Variants in CNTN1 observed in about 807,000 individuals in gnomAD.
CNTN1 encodes the protein contactin 1, also known as contactin-1.
CNTN1 carries 38 observed loss-of-function variants against 126.4 expected under a neutral mutation model. The ratio of observed to expected loss-of-function variants is 0.30; its 90% CI spans 0.23 to 0.39. The LOEUF (loss-of-function observed/expected upper bound fraction) is 0.39. Among genes scored for constraint, CNTN1 ranks in the 10% least tolerant of loss-of-function variants. The probability of loss-of-function intolerance (pLI) is 1.00; values close to 1 mark genes in which losing one functional copy is unlikely to be tolerated. For missense variants in CNTN1, 1,009 were observed against 1,248.4 expected (o/e 0.81, Z 2.89); for synonymous variants, 413 against 422.6 (o/e 0.98, Z 0.28).
At chr12:40,922,508 G>A in intron 5 of CNTN1, 80 bp downstream of exon 5, 1 of 1,321,324 alleles carries the variant, frequency 7.6e-7, no homozygotes, top group African/African-American at 1.4e-5. Context: ...AAAGGATAGT[G>A]AGAGGAAGGC....
At chr12:40,797,365 A>T in intron 1 of CNTN1, among the ~76,000 whole-genome samples, 1 of 152,046 alleles carries the variant, frequency 6.6e-6, no homozygotes, top group East Asian at 1.9e-4. Context: ...TTAAATAACA[A>T]CCTCAGATAA....
At chr12:40,845,588 A>G (rs1942468814) in intron 1 of CNTN1, among the ~76,000 whole-genome samples, 1 of 140,398 alleles carries the variant, frequency 7.1e-6, no homozygotes, top group Non-Finnish European at 1.6e-5. Flanking sequence ...GATAGCCTCA[A>G]GATGGGGCTA....
intron 1 of CNTN1, among the ~76,000 whole-genome samples, chr12:40,736,786 C>T (rs1223601271): frequency 6.6e-6 from 1 of 151,922 alleles, no homozygotes. Context: ...CAAAACAGAG[C>T]TAATAAATCA....
chr12:41,025,783 A>G (rs1255060015), intron 21 of CNTN1, among the ~76,000 whole-genome samples: 3 of 152,156 alleles, frequency 2.0e-5, no homozygotes, highest in Non-Finnish European at 4.4e-5. Flanking sequence ...TTATTACTGT[A>G]TGTTCTAGTA....
At chr12:40,747,058 T>G (rs7977934) in intron 1 of CNTN1, among the ~76,000 whole-genome samples, 21,535 of 152,052 alleles carry the variant, frequency 0.14, 1,758 homozygotes, top group African/African-American at 0.22. Context: ...GACTATCTAC[T>G]GTAACAAATA....
At chr12:40,810,073 A>T (rs527273665) in intron 1 of CNTN1, among the ~76,000 whole-genome samples, 117 of 152,244 alleles carry the variant, frequency 7.7e-4, no homozygotes, top group Non-Finnish European at 1.3e-3. Context: ...AAATATATGC[A>T]AAAGTTTTTA....
chr12:41,046,847 C>CTTTTTTTTTTTT (rs56655599), intron 23 of CNTN1, among the ~76,000 whole-genome samples: 3 of 118,992 alleles, frequency 2.5e-5, no homozygotes, highest in Non-Finnish European at 5.1e-5. Flanking sequence ...TTGCTTATTT[C>CTTTTTTTTTTTT]TTTTTTTTTT....
At chr12:40,710,101 T>C (rs1015304369) in intron 1 of CNTN1, among the ~76,000 whole-genome samples, 4 of 152,176 alleles carry the variant, frequency 2.6e-5, no homozygotes, top group African/African-American at 7.2e-5. Context: ...TTCCTTTCAA[T>C]TGAACACTTG....
intron 14 of CNTN1, among the ~76,000 whole-genome samples, chr12:40,952,813 G>A (rs1264481003): frequency 2.6e-5 from 4 of 152,082 alleles, no homozygotes; most frequent in Non-Finnish European, 5.9e-5. Flanking sequence ...CAAGCCAAAA[G>A]TAAAGAAGAA....
intron 1 of CNTN1, among the ~76,000 whole-genome samples, chr12:40,728,025 A>C (rs1327481356): frequency 6.6e-6 from 1 of 152,184 alleles, no homozygotes; most frequent in Non-Finnish European, 1.5e-5. Flanking sequence ...AGGCCAGGAC[A>C]GTTTCCCAGA....
At chr12:40,860,133 A>G (rs1442185) in intron 1 of CNTN1, among the ~76,000 whole-genome samples, 8,820 of 152,206 alleles carry the variant, frequency 0.058, 524 homozygotes, top group Admixed American at 0.16. Context: ...ATTAGGCTCA[A>G]TTCAACAGAC....
intron 21 of CNTN1, among the ~76,000 whole-genome samples, chr12:41,025,884 C>G (rs1334991437): frequency 6.6e-6 from 1 of 152,160 alleles, no homozygotes; most frequent in Non-Finnish European, 1.5e-5. Context: ...TTTGATATCT[C>G]TGTTCTTGAA....
At chr12:41,066,936 G>T (rs942133763) in intron 23 of CNTN1, among the ~76,000 whole-genome samples, 1 of 152,124 alleles carries the variant, frequency 6.6e-6, no homozygotes, top group Admixed American at 6.5e-5. Context: ...CAAGATCAAT[G>T]ATTTGTTCAG....
intron 20 of CNTN1, among the ~76,000 whole-genome samples, chr12:41,023,862 T>G (rs1948980880): frequency 1.3e-5 from 2 of 152,196 alleles, no homozygotes. Flanking sequence ...TGTTTATTAT[T>G]GTTGTTAATT....
At chr12:40,815,013 A>C (rs778448208) in intron 1 of CNTN1, among the ~76,000 whole-genome samples, 62 of 151,416 alleles carry the variant, frequency 4.1e-4, no homozygotes, top group Admixed American at 3.3e-4. Flanking sequence ...ATTTGTGTCT[A>C]CCCTTGTGAC....
At chr12:41,064,823 C>A (rs1189993808) in intron 23 of CNTN1, among the ~76,000 whole-genome samples, 1 of 151,376 alleles carries the variant, frequency 6.6e-6, no homozygotes, top group African/African-American at 2.4e-5. Flanking sequence ...ATATTATTAT[C>A]CCTATTTTAT....
At chr12:40,768,971 G>A (rs1939229826) in intron 1 of CNTN1, among the ~76,000 whole-genome samples, 1 of 151,992 alleles carries the variant, frequency 6.6e-6, no homozygotes, top group South Asian at 2.1e-4. Flanking sequence ...ATGTTTACAT[G>A]TTCTTTCAAA....
chr12:40,781,214 C>G (rs1939792001), intron 1 of CNTN1, among the ~76,000 whole-genome samples: 1 of 151,968 alleles, frequency 6.6e-6, no homozygotes, highest in South Asian at 2.1e-4. Flanking sequence ...GTGCTAGGAA[C>G]AGGTGAATGC....
intron 14 of CNTN1, among the ~76,000 whole-genome samples, chr12:40,949,518 T>C (rs1221776241): frequency 3.4e-5 from 5 of 145,926 alleles, no homozygotes; most frequent in African/African-American, 1.3e-4. Context: ...CTCTATTCAC[T>C]ATTTTGGTTG....
Sources: allele counts gnomAD v4.1 joint callset (sites outside exome capture counted in the v4.1 genomes callset), GRCh38; gene constraint gnomAD v4.1.1; transcripts MANE v1.5; gene names NCBI Gene and HGNC (gene_info 2026-07-23, HGNC 2026-07-21).